The following SYDE2 variants were observed in gnomAD, a reference collection of about 807,000 sequenced individuals.
SYDE2 encodes the protein synapse defective Rho GTPase homolog 2.
A neutral mutation model predicts 91.5 loss-of-function variants in SYDE2; 76 were observed. The observed-to-expected ratio is 0.83, with a 90% CI of 0.69 to 1.01. The LOEUF (loss-of-function observed/expected upper bound fraction) is 1.01, where lower values mean the gene tolerates loss of function less well. SYDE2 is among the 50% of genes least tolerant of loss of function. The pLI is 0.00. For missense variants in SYDE2, 1,364 were observed against 1,367.7 expected (o/e 1.00, Z 0.04); for synonymous variants, 513 against 506.4 (o/e 1.01, Z -0.18).
intron 2 of SYDE2, among the ~76,000 whole-genome samples, chr1:85,186,500 A>G (rs1658145672): frequency 6.6e-6 from 1 of 152,122 alleles, no homozygotes; most frequent in African/African-American, 2.4e-5. Context: ...TCTTCATGGA[A>G]TTGGAAAAAA....
chr1:85,180,907 C>A (rs1329681501), intron 3 of SYDE2, among the ~76,000 whole-genome samples: 1 of 151,946 alleles, frequency 6.6e-6, no homozygotes, highest in Admixed American at 6.6e-5. Flanking sequence ...CTGAACTCTA[C>A]CCTCACTGCC....
rs1277326308 is a variant in SYDE2 at position 85,200,906 on chromosome 1, G to C, written c.91C>G (p.Gln31Glu). 7.5e-7 allele frequency: 1 copy of C among 1,325,534 alleles called. No individual in the cohort carries two copies. Among genetic ancestry groups the C allele is most frequent in the Non-Finnish European group, 9.6e-7 (1 of 1,047,068 alleles). 82.1% of individuals were successfully genotyped at this position (1,325,534 alleles called of 1,614,324 possible). A position where few individuals can be genotyped will look rare whatever the true frequency, so the allele number is the denominator to read the frequency against. The stretch of plus-strand genomic sequence containing the variant: ...TACGCGGCGCCGCGGGAAGGCGGCT[G>C]GCCCGGAGCCCGGGCTCCCGCGGGG... ...SFPAGARAPG[Q>E]PPSRGAAYRR... The change falls in exon 1 of 7, where the codon CAG becomes GAG. Residue 31 changes from glutamine (Q) to glutamate (E), a missense_variant. Transcript: ENST00000341460.
Position 85,183,052 on chromosome 1 carries a change from G to A in SYDE2, c.1590C>T (p.Ser530=), listed in dbSNP as rs1570259513. The A allele has an allele frequency of 4.3e-6, 7 of 1,612,974 alleles. No individual in the cohort carries two copies. The highest frequency in any genetic ancestry group is 5.9e-6 in the Non-Finnish European group (7 of 1,179,630). ...IKSPRTVRKL[S]MKMKKLPEFS... Reference sequence around the variant, plus strand: ...ATTCTGGCAACTTTTTCATTTTCATGGAAAGTTTCCTCACAGTTCGTGGAG... The same window carrying A: ...ATTCTGGCAACTTTTTCATTTTCATAGAAAGTTTCCTCACAGTTCGTGGAG... Residue 530 remains serine (S), a synonymous_variant, in exon 3 of 7, where the codon TCC becomes TCT. Coordinates refer to ENST00000341460, the MANE Select transcript of SYDE2 (RefSeq NM_032184.2).
chr1:85,182,040 A>T, intron 3 of SYDE2, 58 bp downstream of exon 3: 1 of 1,469,552 alleles, frequency 6.8e-7, no homozygotes, highest in Non-Finnish European at 9.0e-7. Flanking sequence ...TCTTCCCCCA[A>T]GACTTACAAT....
At chr1:85,200,216 T>TC in intron 1 of SYDE2, 36 bp downstream of exon 1, 1 of 1,613,380 alleles carries the variant, frequency 6.2e-7, no homozygotes, top group Non-Finnish European at 8.5e-7. Flanking sequence ...ACAGTAAGGC[T>TC]CGCGGTGCTA....
At chr1:85,180,919 G>GA (rs1406278138) in intron 3 of SYDE2, among the ~76,000 whole-genome samples, 3 of 151,718 alleles carry the variant, frequency 2.0e-5, no homozygotes, top group Admixed American at 6.6e-5. Flanking sequence ...CTCACTGCCT[G>GA]AAAAAAGATA....
chr1:85,163,442 A>AATATATATATATATAT (rs1491322072), intron 6 of SYDE2, among the ~76,000 whole-genome samples: 44 of 50,746 alleles, frequency 8.7e-4, no homozygotes, highest in Non-Finnish European at 1.3e-3. Context: ...CTTGTACTTT[A>AATATATATATATATAT]ATCTATATAT....
chr1:85,175,941 A>G (rs542883225), intron 4 of SYDE2, among the ~76,000 whole-genome samples: 1 of 152,206 alleles, frequency 6.6e-6, no homozygotes, highest in Non-Finnish European at 1.5e-5. Context: ...GAAATATCCA[A>G]TTTATAAATT....
chr1:85,189,465 T>A (rs1658275496), intron 2 of SYDE2, among the ~76,000 whole-genome samples: 1 of 152,248 alleles, frequency 6.6e-6, no homozygotes, highest in African/African-American at 2.4e-5. Context: ...CAACTCCCTA[T>A]GATTTCTTGC....
intron 2 of SYDE2, among the ~76,000 whole-genome samples, chr1:85,187,706 T>G (rs199669666): frequency 0.037 from 5,161 of 139,804 alleles, 145 homozygotes; most frequent in East Asian, 0.14. Context: ...ATGAGTTCAT[T>G]TCCTTTGTAG....
intron 2 of SYDE2, 121 bp downstream of exon 2, chr1:85,189,936 T>C (rs1658295580): frequency 2.5e-6 from 2 of 791,098 alleles, no homozygotes; most frequent in East Asian, 5.4e-5. Context: ...CATGAAAATA[T>C]ATTCACTTCA....
rs1354233345 is a variant in SYDE2, at chr1:85,183,204, AAAAG to A, written c.1442-8_1442-5del. 1.3e-6 allele frequency: 2 copies of A among 1,532,064 alleles called. No homozygotes were observed. The highest frequency in any genetic ancestry group is 1.7e-6 in the Non-Finnish European group (2 of 1,146,212). 94.9% of individuals were successfully genotyped at this position (1,532,064 alleles called of 1,614,324 possible). ...GTAGCAGCCAGGATCCCAGAACCTT[AAAAG>A]AAAGAAAGAAAAATACGTTATAAAG... is the stretch of plus-strand genomic sequence containing the variant. On this transcript the variant is annotated splice_region_variant and splice_polypyrimidine_tract_variant and intron_variant, in intron 2 of 6. Coordinates refer to ENST00000341460, the MANE Select transcript of SYDE2 (RefSeq NM_032184.2).
At chr1:85,155,025 AG>A (rs1296441401), downstream of SYDE2, among the ~76,000 whole-genome samples, 129 of 139,326 alleles carry the variant, frequency 9.3e-4, no homozygotes, top group Middle Eastern at 7.9e-3. Context: ...AAAAAAAAAA[AG>A]AAAAGAAAAA....
chr1:85,155,961 A>T (rs12034359), downstream of SYDE2, among the ~76,000 whole-genome samples: 7,190 of 152,224 alleles, frequency 0.047, 263 homozygotes, highest in East Asian at 0.17. Flanking sequence ...ATTTAAAGTC[A>T]ATGGATCAAA....
downstream of SYDE2, chr1:85,152,529 AT>A (rs1306451649): frequency 9.2e-5 from 14 of 152,224 alleles, no homozygotes; most frequent in Non-Finnish European, 2.1e-4. Context: ...AGGAGTGAAT[AT>A]TTTTAAAATT....
In SYDE2 at chr1:85,183,109, TG is replaced by T. The variant is rs1658001523; in HGVS notation, c.1532del (p.Ser511Ter). The T allele has an allele frequency of 6.2e-7, 1 of 1,613,292 alleles. No homozygotes were observed. The highest frequency in any genetic ancestry group is 8.5e-7 in the Non-Finnish European group (1 of 1,179,736). On this transcript the variant is annotated frameshift_variant, in exon 3 of 7. Coordinates refer to ENST00000341460, the MANE Select transcript of SYDE2 (RefSeq NM_032184.2). LOFTEE classifies it high-confidence loss of function. ...PNPSPVKKGS[S>X]INWSLPDKIK... ...TTTTATCTGGCAATGACCAATTAAT[TG>T]AACTGCCTTTTTTCACAGGGCTAGG...
intron 1 of SYDE2, among the ~76,000 whole-genome samples, chr1:85,196,606 G>GAAAAAA (rs1160756285): frequency 1.8e-5 from 2 of 108,800 alleles, no homozygotes. Context: ...TCCAGAAAAA[G>GAAAAAA]AAAAAAAAAA....
intron 4 of SYDE2, among the ~76,000 whole-genome samples, chr1:85,170,130 TTTAA>T (rs1657451249): frequency 6.6e-6 from 1 of 151,174 alleles, no homozygotes; most frequent in Non-Finnish European, 1.5e-5. Flanking sequence ...TTTTTTTTTT[TTTAA>T]TTGTGACAGG....
chr1:85,160,662 C>G (rs1314235584), intron 6 of SYDE2: 6 of 985,278 alleles, frequency 6.1e-6, no homozygotes, highest in Non-Finnish European at 7.2e-6. Context: ...GCTTTTCCCC[C>G]CTCATTCTTT....
Sources: gnomAD v4.1 joint callset for allele counts (sites outside exome capture counted in the v4.1 genomes callset) on GRCh38, gnomAD v4.1.1 for gene constraint, MANE v1.5 for transcripts, NCBI Gene and HGNC (gene_info 2026-07-23, HGNC 2026-07-21) for gene names.